ST8SIA4: variants seen among roughly 807,000 people sequenced by gnomAD.
ST8SIA4 encodes the protein CMP-N-acetylneuraminate-poly-alpha-2,8-sialyltransferase.
Under a neutral mutation model 33.9 loss-of-function variants are expected in ST8SIA4, and 15 were observed. The observed-to-expected ratio is 0.44, with a 90% CI of 0.30 to 0.68. The LOEUF (loss-of-function observed/expected upper bound fraction) is 0.68, where lower values mean the gene tolerates loss of function less well. Ranked by LOEUF, ST8SIA4 falls within the 30% of genes least tolerant of loss-of-function variation. The pLI, the probability that ST8SIA4 is intolerant of heterozygous loss-of-function variation, is 0.10. For missense variants in ST8SIA4, 321 were observed against 428.0 expected, an observed-to-expected ratio of 0.75 and a Z score of 2.21; for synonymous variants, 171 against 151.2, an observed-to-expected ratio of 1.13 and a Z score of -0.96.
At chr5:100,812,736 C>G (rs1158505053) in intron 4 of ST8SIA4, among the ~76,000 whole-genome samples, 1 of 152,024 alleles carries the variant, frequency 6.6e-6, no homozygotes, top group African/African-American at 2.4e-5. Context: ...TCCAGTTATG[C>G]AATTTAACAT....
chr5:100,866,598 A>G (rs1752065945), intron 3 of ST8SIA4, among the ~76,000 whole-genome samples: 1 of 151,874 alleles, frequency 6.6e-6, no homozygotes, highest in Non-Finnish European at 1.5e-5. Flanking sequence ...ACACACACAC[A>G]CACACACACA....
intron 3 of ST8SIA4, among the ~76,000 whole-genome samples, chr5:100,885,091 G>A (rs923923972): frequency 9.4e-5 from 14 of 149,360 alleles, no homozygotes; most frequent in East Asian, 1.9e-4. Context: ...GCTATACTTC[G>A]CATAGACTTC....
chr5:100,812,192 T>C (rs1301875580), intron 4 of ST8SIA4, 63 bp from the exon 5 acceptor site: 1 of 1,405,828 alleles, frequency 7.1e-7, no homozygotes, highest in African/African-American at 1.4e-5. Flanking sequence ...GCATATCCTA[T>C]AGCAAGTATA....
rs192176274 is a variant in ST8SIA4, at chr5:100,858,507, G to C, written c.504-2111C>G. Reference sequence around the variant, plus strand: ...TCAGGAAAAAAATCACTCAATTACTGTATACTTTTTCTTGCCACATCTTTA... The same window carrying C: ...TCAGGAAAAAAATCACTCAATTACTCTATACTTTTTCTTGCCACATCTTTA... On this transcript the variant is annotated intron_variant, in intron 3 of 4. Coordinates refer to ENST00000231461, the MANE Select transcript of ST8SIA4 (RefSeq NM_005668.6). 3.5e-4 allele frequency among the ~76,000 whole-genome samples: 53 copies of C among 152,046 alleles called. No individual in the cohort carries two copies. The East Asian group carries it at 9.5e-3, about 27-fold the overall frequency.
chr5:100,867,271 G>C (rs1752087509), intron 3 of ST8SIA4, among the ~76,000 whole-genome samples: 1 of 151,972 alleles, frequency 6.6e-6, no homozygotes, highest in Admixed American at 6.6e-5. Context: ...TTTAAAATTA[G>C]AGATTGGAGA....
Position 100,811,926 on chromosome 5 carries a change from G to A in ST8SIA4, c.1001C>T (p.Pro334Leu), listed in dbSNP as rs1178859358. The A allele has an allele frequency of 1.2e-6, 2 of 1,613,946 alleles. No homozygotes were observed. The highest frequency in any genetic ancestry group is 1.7e-5 in the Admixed American group (1 of 60,000). ...CACATTTAATGTTTTGAATTCTAAT[G>A]GCATTCTGTGAGGGCTTGCATTGGA... is the stretch of plus-strand genomic sequence containing the variant. ...YFSNASPHRM[P>L]LEFKTLNVLH... is the part of the protein sequence containing the mutation. Residue 334 changes from proline to leucine, a missense_variant, in exon 5 of 5, where the codon CCA (proline) becomes CTA (leucine). By Grantham distance (98) the Pro-to-Leu change is moderately conservative. Transcript: ENST00000231461.
intron 4 of ST8SIA4, among the ~76,000 whole-genome samples, chr5:100,840,578 C>T (rs1011378320): frequency 5.9e-5 from 9 of 151,582 alleles, no homozygotes; most frequent in African/African-American, 1.9e-4. Context: ...TTCCCCCAAG[C>T]GGTTCATTTC....
rs1387956792 is a variant in ST8SIA4 at position 100,808,204 on chromosome 5, C to G, written c.*3643G>C. 2 of 152,546 alleles carry G rather than the reference C, an allele frequency of 1.3e-5. No individual in the cohort carries two copies. Among genetic ancestry groups the G allele is most frequent in the Non-Finnish European group, 2.9e-5 (2 of 68,004 alleles). The allele number at this position is 152,546 out of a possible 1,614,324, so 9.4% of individuals were successfully genotyped here. A position where few individuals can be genotyped will look rare whatever the true frequency, so the allele number is the denominator to read the frequency against. On this transcript the variant is annotated 3_prime_UTR_variant, in exon 5 of 5. Transcript: ENST00000231461. ...CTTTTTCTGTATAGTAGCTGAATAA[C>G]TAATTGGTATGTACACTACCCCTAG... is the stretch of plus-strand genomic sequence containing the variant.
At chr5:100,866,592 AC>A (rs1752065619) in intron 3 of ST8SIA4, among the ~76,000 whole-genome samples, 1 of 151,524 alleles carries the variant, frequency 6.6e-6, no homozygotes, top group Non-Finnish European at 1.5e-5. Context: ...ACACACACAC[AC>A]ACACACACAC....
At chr5:100,886,094 C>T (rs1212856739) in intron 3 of ST8SIA4, 1 of 1,266,428 alleles carries the variant, frequency 7.9e-7, no homozygotes. Flanking sequence ...TTGCCTCCCC[C>T]CTCACCTCAC....
chr5:100,897,686 C>A (rs932863298), intron 1 of ST8SIA4, among the ~76,000 whole-genome samples: 4 of 152,080 alleles, frequency 2.6e-5, no homozygotes, highest in African/African-American at 7.2e-5. Context: ...AACATGTTAG[C>A]TTAAATCTGA....
intron 2 of ST8SIA4, among the ~76,000 whole-genome samples, chr5:100,887,618 T>C (rs1001567997): frequency 2.0e-5 from 3 of 151,976 alleles, no homozygotes; most frequent in Non-Finnish European, 4.4e-5. Flanking sequence ...AAAATGATTA[T>C]AATATATATA....
At chr5:100,897,177 T>G (rs1752796537) in intron 1 of ST8SIA4, among the ~76,000 whole-genome samples, 1 of 152,164 alleles carries the variant, frequency 6.6e-6, no homozygotes, top group Non-Finnish European at 1.5e-5. Context: ...TAGTCATTAT[T>G]AGTAGTATTT....
At chr5:100,872,801 G>C (rs1752223747) in intron 3 of ST8SIA4, among the ~76,000 whole-genome samples, 1 of 150,410 alleles carries the variant, frequency 6.6e-6, no homozygotes, top group Non-Finnish European at 1.5e-5. Context: ...TGACTAAACT[G>C]TCTAACTGTA....
chr5:100,871,351 C>G (rs2112456917), intron 3 of ST8SIA4, among the ~76,000 whole-genome samples: 1 of 152,070 alleles, frequency 6.6e-6, no homozygotes, highest in East Asian at 1.9e-4. Flanking sequence ...AAATATCATC[C>G]CTACTTTTAG....
chr5:100,841,297 C>G (rs1751465072), intron 4 of ST8SIA4, among the ~76,000 whole-genome samples: 1 of 151,702 alleles, frequency 6.6e-6, no homozygotes. Flanking sequence ...TTATTCAAGC[C>G]ATAGGTATTG....
chr5:100,816,294 T>C (rs1750915290), intron 4 of ST8SIA4, among the ~76,000 whole-genome samples: 2 of 152,206 alleles, frequency 1.3e-5, no homozygotes, highest in South Asian at 2.1e-4. Flanking sequence ...TTTTATCTCA[T>C]AATAAAAGCA....
chr5:100,859,398 T>C, intron 3 of ST8SIA4, among the ~76,000 whole-genome samples: 1 of 152,092 alleles, frequency 6.6e-6, no homozygotes, highest in East Asian at 1.9e-4. Flanking sequence ...GTTGAGTGCA[T>C]ATAAACATTT....
chr5:100,871,930 TA>T (rs1752204716), intron 3 of ST8SIA4, among the ~76,000 whole-genome samples: 1 of 152,096 alleles, frequency 6.6e-6, no homozygotes, highest in South Asian at 2.1e-4. Flanking sequence ...CCCTAATCTT[TA>T]GAACATTTCA....
Sources: gnomAD v4.1 joint callset for allele counts (sites outside exome capture counted in the v4.1 genomes callset) on GRCh38, gnomAD v4.1.1 for gene constraint, MANE v1.5 for transcripts, NCBI Gene and HGNC (gene_info 2026-07-23, HGNC 2026-07-21) for gene names.